NKTR: variants seen among roughly 807,000 people sequenced by gnomAD.
NKTR encodes the protein NK-tumor recognition protein.
A neutral mutation model predicts 156.3 loss-of-function variants in NKTR; 67 were observed. That is an observed-to-expected ratio of 0.43 (90% CI 0.35 to 0.53). The LOEUF (loss-of-function observed/expected upper bound fraction) is 0.53. Ranked by LOEUF, NKTR falls within the 20% of genes least tolerant of loss-of-function variation. The pLI is 0.01. For missense variants in NKTR, 1,604 were observed against 1,730.9 expected (o/e 0.93, Z 1.30); for synonymous variants, 640 against 596.6 (o/e 1.07, Z -1.06).
intron 2 of NKTR, among the ~76,000 whole-genome samples, chr3:42,604,392 GAC>G (rs1705974019): frequency 6.7e-6 from 1 of 150,190 alleles, no homozygotes; most frequent in Non-Finnish European, 1.5e-5. Flanking sequence ...TTTTTTTTGA[GAC>G]AGTCTCAAAT....
chr3:42,628,127 C>G, intron 6 of NKTR: 7 of 984,720 alleles, frequency 7.1e-6, no homozygotes, highest in South Asian at 4.7e-5. Flanking sequence ...TTGTTAAATA[C>G]TTTTAGTATT....
intron 2 of NKTR, among the ~76,000 whole-genome samples, chr3:42,604,598 G>A (rs1406397192): frequency 6.8e-6 from 1 of 147,858 alleles, no homozygotes; most frequent in Admixed American, 6.8e-5. Flanking sequence ...TGATTACCAG[G>A]AGAAGAGTAT....
At chr3:42,611,500 G>A (rs1271727924) in intron 2 of NKTR, among the ~76,000 whole-genome samples, 1 of 152,052 alleles carries the variant, frequency 6.6e-6, no homozygotes, top group African/African-American at 2.4e-5. Context: ...CTGGGAGGTC[G>A]AGGCGGGCAA....
chr3:42,635,184 G>A, intron 11 of NKTR, 37 bp from the exon 12 acceptor site: 1 of 1,583,582 alleles, frequency 6.3e-7, no homozygotes, highest in Non-Finnish European at 8.6e-7. Flanking sequence ...GTCGTGGAGA[G>A]GCATTTTTTA....
chr3:42,617,481 T>G (rs956476013), intron 2 of NKTR, 89 bp from the exon 3 acceptor site: 5 of 662,646 alleles, frequency 7.5e-6, no homozygotes, highest in Non-Finnish European at 1.3e-5. Flanking sequence ...AAAATAGACT[T>G]TCTAATTTGT....
At chr3:42,629,802 A>G in intron 6 of NKTR, 1 of 985,482 alleles carries the variant, frequency 1.0e-6, no homozygotes, top group Non-Finnish European at 1.2e-6. Flanking sequence ...TATACCCTGT[A>G]GGCTTCCCAA....
chr3:42,621,988 T>G (rs1304383028), intron 6 of NKTR, among the ~76,000 whole-genome samples: 1 of 152,016 alleles, frequency 6.6e-6, no homozygotes, highest in Non-Finnish European at 1.5e-5. Context: ...GAGGTACTAT[T>G]ATTTTCTGAT....
At chr3:42,631,428 C>A in intron 8 of NKTR, 112 bp downstream of exon 8, 1 of 1,191,450 alleles carries the variant, frequency 8.4e-7, no homozygotes, top group East Asian at 2.6e-5. Flanking sequence ...CCTTGGTGCC[C>A]CTGAATCATA....
chr3:42,608,440 A>G (rs1706451723), intron 2 of NKTR, among the ~76,000 whole-genome samples: 1 of 152,122 alleles, frequency 6.6e-6, no homozygotes, highest in Non-Finnish European at 1.5e-5. Flanking sequence ...AACAGAAGAG[A>G]TGCCTAGGGC....
At chr3:42,643,515 C>A (rs1710087466) in intron 15 of NKTR, 120 bp downstream of exon 15, 1 of 811,388 alleles carries the variant, frequency 1.2e-6, no homozygotes, top group Non-Finnish European at 2.0e-6. Context: ...TCTCCTGAAA[C>A]CATACCTTTT....
At chr3:42,601,515 C>A (rs1460579316) in intron 2 of NKTR, 3 of 152,592 alleles carry the variant, frequency 2.0e-5, no homozygotes, top group African/African-American at 7.2e-5. Context: ...CCTTAAGAAT[C>A]TTTAGCTAGA....
In NKTR at chr3:42,646,655, A is replaced by G. The variant is rs553289612; in HGVS notation, c.*680A>G. Reference sequence around the variant, plus strand: ...CCTGCACTGTCTCTGAGGACTTACTATTTTATGTTCTTTTTAATCAATACC... The same window carrying G: ...CCTGCACTGTCTCTGAGGACTTACTGTTTTATGTTCTTTTTAATCAATACC... On this transcript the variant is annotated 3_prime_UTR_variant, in exon 17 of 17. Coordinates refer to ENST00000232978, the MANE Select transcript of NKTR (RefSeq NM_005385.4). 6.5e-6 allele frequency: 1 copy of G among 152,726 alleles called. No individual in the cohort carries two copies. The highest frequency in any genetic ancestry group is 1.9e-4 in the East Asian group (1 of 5,188). 9.5% of individuals were successfully genotyped at this position (152,726 alleles called of 1,614,324 possible). A position where few individuals can be genotyped will look rare whatever the true frequency, so the allele number is the denominator to read the frequency against.
chr3:42,628,438 T>C (rs1708594970), intron 6 of NKTR: 1 of 985,340 alleles, frequency 1.0e-6, no homozygotes, highest in South Asian at 4.7e-5. Context: ...GCTACACTAC[T>C]CTGGAATGTT....
intron 12 of NKTR, among the ~76,000 whole-genome samples, chr3:42,636,514 A>G (rs1405105262): frequency 2.6e-5 from 4 of 152,254 alleles, no homozygotes; most frequent in Admixed American, 1.3e-4. Flanking sequence ...TCACCCTCAA[A>G]AACTGTCCTA....
Position 42,637,889 on chromosome 3 carries a change from C to T in NKTR, c.2185C>T (p.Arg729Ter). ...GTCTCCATCATCTAGATCTCATTCA[C>T]GAAATAAATACAGTGATCATTCACA... ...SRSPSSRSHS[R>*]NKYSDHSQCS... The change falls in exon 13 of 17, where the codon CGA becomes TGA. Residue 729 changes from arginine (R) to a stop codon, truncating the protein, a stop_gained. Coordinates refer to ENST00000232978, the MANE Select transcript of NKTR (RefSeq NM_005385.4). LOFTEE classifies it high-confidence loss of function. The T allele has an allele frequency of 1.9e-6, 3 of 1,613,944 alleles. No homozygotes were observed. The highest frequency in any genetic ancestry group is 2.5e-6 in the Non-Finnish European group (3 of 1,179,936).
Position 42,637,404 on chromosome 3 carries a change from C to T in NKTR, c.1700C>T (p.Pro567Leu). The T allele has an allele frequency of 1.2e-6, 2 of 1,613,088 alleles. No individual in the cohort carries two copies. The highest frequency in any genetic ancestry group is 8.5e-7 in the Non-Finnish European group (1 of 1,179,774). Residue 567 changes from proline to leucine, a missense_variant, in exon 13 of 17, where the codon CCA becomes CTA. Physicochemically the swap from Pro to Leu is moderately conservative, Grantham distance 98. This residue lies in a region of NKTR where 1,255 missense variants were observed against 1,243.7 expected (regional missense o/e 1.01). Coordinates refer to ENST00000232978, the MANE Select transcript of NKTR (RefSeq NM_005385.4). ...SGHRKRASKS[P>L]RKTASQLSEN... ...CACCGAAAGAGAGCATCAAAATCACCAAGAAAAACAGCTTCTCAGTTAAGT... is the reference window on the plus strand; with the variant it reads ...CACCGAAAGAGAGCATCAAAATCACTAAGAAAAACAGCTTCTCAGTTAAGT...
At chr3:42,616,715 C>A (rs981587197) in intron 2 of NKTR, among the ~76,000 whole-genome samples, 6 of 152,044 alleles carry the variant, frequency 3.9e-5, no homozygotes, top group Non-Finnish European at 7.4e-5. Context: ...GGAAGCATAA[C>A]CTCTTCTCTT....
At chr3:42,613,804 CTTATTT>C (rs1707084428) in intron 2 of NKTR, among the ~76,000 whole-genome samples, 1 of 152,102 alleles carries the variant, frequency 6.6e-6, no homozygotes, top group African/African-American at 2.4e-5. Flanking sequence ...GTTCCCCTGT[CTTATTT>C]TTAAGGATCT....
At chr3:42,616,129 T>C (rs1237319252) in intron 2 of NKTR, among the ~76,000 whole-genome samples, 1 of 152,216 alleles carries the variant, frequency 6.6e-6, no homozygotes, top group Non-Finnish European at 1.5e-5. Flanking sequence ...AACTGACCGA[T>C]ATGGCCAGGA....
Sources: allele counts gnomAD v4.1 joint callset (sites outside exome capture counted in the v4.1 genomes callset), GRCh38; gene constraint gnomAD v4.1.1; regional missense constraint gnomAD v4.1.1; transcripts MANE v1.5; gene names NCBI Gene and HGNC (gene_info 2026-07-23, HGNC 2026-07-21).